Variants in TMEM143 observed in about 807,000 individuals in gnomAD.
TMEM143 encodes the protein transmembrane protein 143.
Under a neutral mutation model 40.3 loss-of-function variants are expected in TMEM143, and 45 were observed. The ratio of observed to expected loss-of-function variants is 1.12; its 90% CI spans 0.88 to 1.43. TMEM143 has a LOEUF of 1.43. Ranked by LOEUF, TMEM143 falls within the 40% of genes most tolerant of loss-of-function variation. The pLI, the probability that TMEM143 is intolerant of heterozygous loss-of-function variation, is 0.00. For synonymous variants in TMEM143, 299 were observed against 282.7 expected, an observed-to-expected ratio of 1.06 and a Z score of -0.58; for missense variants, 620 against 613.4, an observed-to-expected ratio of 1.01 and a Z score of -0.11.
intron 3 of TMEM143, among the ~76,000 whole-genome samples, chr19:48,357,979 A>G: frequency 6.6e-6 from 1 of 152,144 alleles, no homozygotes. Flanking sequence ...TATAGTGTAC[A>G]CTGCTCTAGT....
At position 48,333,108 on chromosome 19, in the gene TMEM143, C is replaced by T; in HGVS notation, c.*111G>A. 1 of 846,254 alleles carries T rather than the reference C, an allele frequency of 1.2e-6. No homozygotes were observed. Among genetic ancestry groups the T allele is most frequent in the South Asian group, 3.5e-5 (1 of 28,426 alleles). The allele number at this position is 846,254 out of a possible 1,614,324, so 52.4% of individuals were successfully genotyped here. ...CAGTGCAGCAAAAATAATCACCTGTCAGTTATTGGAAGTTGGAGTGAAAAG... is the reference window on the plus strand; with the variant it reads ...CAGTGCAGCAAAAATAATCACCTGTTAGTTATTGGAAGTTGGAGTGAAAAG... On this transcript the variant is annotated 3_prime_UTR_variant, in exon 8 of 8. Transcript: ENST00000293261. This position sits in a 1 kb window ranked among gnomAD's most constrained non-coding sequence, Gnocchi z 4.1.
intron 6 of TMEM143, 135 bp downstream of exon 6, chr19:48,342,395 G>GGGAA (rs200209362): frequency 0.022 from 19,962 of 899,222 alleles, 1,346 homozygotes; most frequent in African/African-American, 0.087. Context: ...GAGGAAGAAT[G>GGGAA]GGAAGGAAGG....
At chr19:48,337,739 G>T (rs1332361618) in intron 6 of TMEM143, among the ~76,000 whole-genome samples, 1 of 152,088 alleles carries the variant, frequency 6.6e-6, no homozygotes, top group Non-Finnish European at 1.5e-5. Flanking sequence ...GAAATGGCCT[G>T]CAAGGTACCA....
At chr19:48,337,837 C>A (rs1969405359) in intron 6 of TMEM143, among the ~76,000 whole-genome samples, 1 of 152,162 alleles carries the variant, frequency 6.6e-6, no homozygotes, top group Non-Finnish European at 1.5e-5. Context: ...ATCGCCATTT[C>A]TTCGGTTGAG....
chr19:48,363,198 C>G, intron 2 of TMEM143, 93 bp downstream of exon 2: 4 of 1,491,068 alleles, frequency 2.7e-6, no homozygotes, highest in Non-Finnish European at 3.6e-6. Context: ...CAGGAGGCGC[C>G]AGGGCAGCTC....
rs1296061991 is a variant in TMEM143, at chr19:48,363,470, G to T, written c.85C>A (p.Arg29=). 10 of 1,613,774 alleles carry T rather than the reference G, an allele frequency of 6.2e-6. No individual in the cohort carries two copies. The highest frequency in any genetic ancestry group is 5.0e-5 in the Admixed American group (3 of 59,994). Residue 29 remains arginine, a synonymous_variant, in exon 2 of 8, where the codon CGA becomes AGA. Transcript: ENST00000293261. ...VTRGVWGSRV[R]VWPLLPALLG... ...AGCGCGGGCAACAGTGGCCATACTC[G>T]GACCCTGGACCCCCAGACCCCCCGG...
intron 3 of TMEM143, among the ~76,000 whole-genome samples, chr19:48,356,548 G>A (rs1349593640): frequency 4.0e-5 from 6 of 149,554 alleles, no homozygotes; most frequent in Non-Finnish European, 8.9e-5. Flanking sequence ...TCCTGCCTCA[G>A]CCTCCCAAGT....
intron 4 of TMEM143, among the ~76,000 whole-genome samples, chr19:48,344,780 C>T: frequency 6.6e-6 from 1 of 152,160 alleles, no homozygotes; most frequent in Middle Eastern, 3.2e-3. Flanking sequence ...GATCTCAGCT[C>T]ACTGCAACTT....
chr19:48,360,347 G>T (rs1021949318), intron 2 of TMEM143, 171 bp from the exon 3 acceptor site: 1 of 606,722 alleles, frequency 1.6e-6, no homozygotes, highest in Admixed American at 3.0e-5. Flanking sequence ...GGGAGGCCGA[G>T]GCAGTGGATC....
Position 48,360,066 on chromosome 19 carries a change from C to T in TMEM143, c.369+6G>A. Reference sequence around the variant, plus strand: ...CACCACAGGGCTGGAAGGGCCCCGTCCTCACCTGCAGCCGGGCCAGGATTT... The same window carrying T: ...CACCACAGGGCTGGAAGGGCCCCGTTCTCACCTGCAGCCGGGCCAGGATTT... On this transcript the variant is annotated splice_donor_region_variant and intron_variant, in intron 3 of 7. Coordinates refer to ENST00000293261, the MANE Select transcript of TMEM143 (RefSeq NM_018273.4). The T allele has an allele frequency of 6.2e-7, 1 of 1,613,878 alleles. No individual in the cohort carries two copies. Among genetic ancestry groups the T allele is most frequent in the African/African-American group, 1.3e-5 (1 of 75,050 alleles).
At chr19:48,343,973 A>G (rs1340135521) in intron 4 of TMEM143, among the ~76,000 whole-genome samples, 1 of 152,042 alleles carries the variant, frequency 6.6e-6, no homozygotes, top group Non-Finnish European at 1.5e-5. Context: ...TGCAGCCTCC[A>G]CCTCCTGGGT....
At chr19:48,351,985 C>T (rs1459757422) in intron 3 of TMEM143, among the ~76,000 whole-genome samples, 1 of 151,948 alleles carries the variant, frequency 6.6e-6, no homozygotes, top group South Asian at 2.1e-4. Flanking sequence ...CGGTGGTTTA[C>T]GCCTGTAATC....
Position 48,338,508 on chromosome 19 carries a change from A to C in TMEM143, c.975+4022T>G, listed in dbSNP as rs1004794632. Among the ~76,000 whole-genome samples the C allele has an allele frequency of 4.6e-5, 7 of 152,360 alleles. No homozygotes were observed. The East Asian group carries it at 9.6e-4, about 21-fold the overall frequency. On this transcript the variant is annotated intron_variant, in intron 6 of 7. Coordinates refer to ENST00000293261, the MANE Select transcript of TMEM143 (RefSeq NM_018273.4). ...ACAGGTCCTGCTCTCTCAGGCCTCC[A>C]GGCCCAGGCACAAGCCAAACCACCC...
intron 3 of TMEM143, among the ~76,000 whole-genome samples, chr19:48,355,109 C>T (rs923331522): frequency 2.6e-5 from 4 of 151,976 alleles, no homozygotes; most frequent in Admixed American, 6.6e-5. Context: ...CTCCACCTCC[C>T]GGGTTCAAGT....
chr19:48,348,861 G>A (rs560774983), intron 3 of TMEM143, among the ~76,000 whole-genome samples: 1 of 152,078 alleles, frequency 6.6e-6, no homozygotes, highest in Non-Finnish European at 1.5e-5. Context: ...AATCCCCTCG[G>A]TCACTCCATA....
At chr19:48,347,360 G>A (rs951230811) in intron 3 of TMEM143, among the ~76,000 whole-genome samples, 3 of 152,104 alleles carry the variant, frequency 2.0e-5, no homozygotes, top group African/African-American at 4.8e-5. Flanking sequence ...CTAAGTGAAG[G>A]TTTGGTCATG....
At chr19:48,341,315 G>A (rs1969481557) in intron 6 of TMEM143, among the ~76,000 whole-genome samples, 1 of 152,190 alleles carries the variant, frequency 6.6e-6, no homozygotes, top group East Asian at 1.9e-4. Flanking sequence ...TCCTTGGATG[G>A]TGAACAACCT....
At chr19:48,342,900 A>C in intron 5 of TMEM143, 91 bp from the exon 6 acceptor site, 1 of 1,414,242 alleles carries the variant, frequency 7.1e-7, no homozygotes, top group Non-Finnish European at 9.5e-7. Flanking sequence ...CTGGCTCTAC[A>C]GTCGCACAAC....
chr19:48,351,135 T>C (rs1199835129), intron 3 of TMEM143, among the ~76,000 whole-genome samples: 2 of 151,910 alleles, frequency 1.3e-5, no homozygotes, highest in African/African-American at 2.4e-5. Flanking sequence ...AGATGCCCCA[T>C]GGGCCTCTCA....
Sources: gnomAD v4.1 joint callset for allele counts (sites outside exome capture counted in the v4.1 genomes callset) on GRCh38, gnomAD v4.1.1 for gene constraint, Gnocchi (gnomAD v3.1) non-coding constraint, MANE v1.5 for transcripts, NCBI Gene and HGNC (gene_info 2026-07-23, HGNC 2026-07-21) for gene names.